Variants in NCKAP5 observed in about 807,000 individuals in gnomAD.
NCKAP5 encodes the protein NCK associated protein 5, also known as nck-associated protein 5.
Under a neutral mutation model 167.0 loss-of-function variants are expected in NCKAP5, and 92 were observed. The ratio of observed to expected loss-of-function variants is 0.55; its 90% CI spans 0.47 to 0.66. NCKAP5 has a LOEUF of 0.66. Among genes scored for constraint, NCKAP5 ranks in the 30% least tolerant of loss-of-function variants. The pLI is 0.00. For synonymous variants in NCKAP5, 891 were observed against 877.4 expected (o/e 1.02, Z -0.27); for missense variants, 2,378 against 2,315.0 (o/e 1.03, Z -0.56).
intron 3 of NCKAP5, among the ~76,000 whole-genome samples, chr2:133,417,123 TAA>T (rs55760727): frequency 0.034 from 4,766 of 139,258 alleles, 227 homozygotes; most frequent in African/African-American, 0.11. Context: ...GAAAGTATGT[TAA>T]AAAAAAAAAA....
chr2:132,772,599 A>G (rs1256776482), intron 16 of NCKAP5, among the ~76,000 whole-genome samples: 1 of 152,202 alleles, frequency 6.6e-6, no homozygotes, highest in African/African-American at 2.4e-5. Context: ...TTTAACTCGA[A>G]TATTAGCTAA....
At chr2:132,818,957 C>T (rs1297655099) in intron 11 of NCKAP5, among the ~76,000 whole-genome samples, 4 of 152,210 alleles carry the variant, frequency 2.6e-5, no homozygotes, top group African/African-American at 9.6e-5. Context: ...AAAGGAAGCA[C>T]ACGTATTACC....
intron 3 of NCKAP5, among the ~76,000 whole-genome samples, chr2:133,464,023 T>A (rs1692369768): frequency 6.6e-6 from 1 of 152,208 alleles, no homozygotes; most frequent in African/African-American, 2.4e-5. Context: ...TTCAGCATCA[T>A]CATGTGGAGT....
At chr2:133,584,598 T>C in the NCKAP5 span, among the ~76,000 whole-genome samples, 1 of 152,120 alleles carries the variant, frequency 6.6e-6, no homozygotes, top group Non-Finnish European at 1.5e-5. Flanking sequence ...GACCCATCTC[T>C]ACTAAATATA....
At chr2:133,011,197 T>A (rs2078147760) in intron 6 of NCKAP5, among the ~76,000 whole-genome samples, 1 of 152,222 alleles carries the variant, frequency 6.6e-6, no homozygotes, top group African/African-American at 2.4e-5. Flanking sequence ...TCCAGGATTG[T>A]AAGTTTTTCC....
chr2:133,526,618 G>A (rs904686887), intron 2 of NCKAP5, among the ~76,000 whole-genome samples: 4 of 152,112 alleles, frequency 2.6e-5, no homozygotes, highest in African/African-American at 9.7e-5. Flanking sequence ...GCTTAGACCA[G>A]GGTAAGCGTT....
the NCKAP5 span, among the ~76,000 whole-genome samples, chr2:133,588,423 C>T: frequency 7.6e-6 from 1 of 131,872 alleles, no homozygotes; most frequent in Non-Finnish European, 1.6e-5. Flanking sequence ...CCCACCCTTC[C>T]TTCCTTCCCT....
At chr2:132,850,929 T>C (rs1310782164) in intron 11 of NCKAP5, among the ~76,000 whole-genome samples, 1 of 152,114 alleles carries the variant, frequency 6.6e-6, no homozygotes, top group East Asian at 1.9e-4. Context: ...ATCGGCTTCC[T>C]ATCAGGGTCT....
chr2:133,485,971 C>T (rs1680869750), intron 3 of NCKAP5, among the ~76,000 whole-genome samples: 1 of 152,098 alleles, frequency 6.6e-6, no homozygotes, highest in Admixed American at 6.6e-5. Flanking sequence ...AAACTATGGC[C>T]TAAGAGGATT....
intron 6 of NCKAP5, among the ~76,000 whole-genome samples, chr2:133,002,088 T>C (rs2077803296): frequency 6.6e-6 from 1 of 152,190 alleles, no homozygotes; most frequent in Non-Finnish European, 1.5e-5. Context: ...CGAGGGGTCC[T>C]GGAATCGATC....
chr2:132,775,873 C>T (rs1342781642), intron 15 of NCKAP5, among the ~76,000 whole-genome samples: 1 of 152,120 alleles, frequency 6.6e-6, no homozygotes, highest in Non-Finnish European at 1.5e-5. Flanking sequence ...ATAGTATTTC[C>T]TTTGGGTTTT....
At chr2:133,351,660 T>G (rs1008870558) in intron 3 of NCKAP5, among the ~76,000 whole-genome samples, 66 of 152,142 alleles carry the variant, frequency 4.3e-4, no homozygotes, top group African/African-American at 1.5e-3. Flanking sequence ...CATGGCTCTC[T>G]CCTCACCTGT....
chr2:133,461,600 A>T (rs1487786998), intron 3 of NCKAP5, among the ~76,000 whole-genome samples: 1 of 152,136 alleles, frequency 6.6e-6, no homozygotes, highest in Non-Finnish European at 1.5e-5. Flanking sequence ...CATGGTCAAC[A>T]TGTGTGTGGT....
chr2:133,198,000 C>T (rs1228375404), intron 5 of NCKAP5, among the ~76,000 whole-genome samples: 1 of 151,568 alleles, frequency 6.6e-6, no homozygotes, highest in Non-Finnish European at 1.5e-5. Context: ...AATGTCTCAG[C>T]AAAGAAACAC....
At chr2:132,879,221 T>C (rs979889558) in intron 8 of NCKAP5, among the ~76,000 whole-genome samples, 19 of 152,238 alleles carry the variant, frequency 1.2e-4, no homozygotes, top group African/African-American at 4.6e-4. Context: ...GTTTATTTTA[T>C]TCTGTGAAAA....
Position 133,076,149 on chromosome 2 carries a change from A to G in NCKAP5, c.341+53829T>C, listed in dbSNP as rs1201830548. 2.6e-5 allele frequency among the ~76,000 whole-genome samples: 4 copies of G among 152,336 alleles called. No individual in the cohort carries two copies. In the East Asian group the frequency reaches 7.7e-4, roughly 29 times the overall value. On this transcript the variant is annotated intron_variant, in intron 6 of 19. Coordinates refer to ENST00000409261, the MANE Select transcript of NCKAP5 (RefSeq NM_207363.3). The stretch of plus-strand genomic sequence containing the variant: ...ATATAGAACCATACATAAACAATTA[A>G]TTTTTGTGCATGCAAATTTAAAAAA...
intron 7 of NCKAP5, among the ~76,000 whole-genome samples, chr2:132,979,037 C>T (rs974464424): frequency 1.3e-5 from 2 of 152,206 alleles, no homozygotes; most frequent in African/African-American, 4.8e-5. Flanking sequence ...GAAGGGTTCA[C>T]TGTGAGAATC....
At chr2:133,633,905 G>T in the NCKAP5 span, among the ~76,000 whole-genome samples, 1 of 152,154 alleles carries the variant, frequency 6.6e-6, no homozygotes, top group Non-Finnish European at 1.5e-5. Context: ...ACTACACTGG[G>T]TCTAAGATAA....
intron 11 of NCKAP5, among the ~76,000 whole-genome samples, chr2:132,816,769 C>G (rs1387799801): frequency 6.6e-6 from 1 of 152,114 alleles, no homozygotes; most frequent in African/African-American, 2.4e-5. Flanking sequence ...CAGCTCTTAG[C>G]AAAACCCCTG....
Sources: gnomAD v4.1 joint callset for allele counts (sites outside exome capture counted in the v4.1 genomes callset) on GRCh38, gnomAD v4.1.1 for gene constraint, MANE v1.5 for transcripts, NCBI Gene and HGNC (gene_info 2026-07-23, HGNC 2026-07-21) for gene names.